MTUS2: variants seen among roughly 807,000 people sequenced by gnomAD.
MTUS2 encodes the protein microtubule associated scaffold protein 2.
A neutral mutation model predicts 114.1 loss-of-function variants in MTUS2; 40 were observed. The ratio of observed to expected loss-of-function variants is 0.35; its 90% confidence interval spans 0.27 to 0.46. MTUS2 has a LOEUF of 0.46. Ranked by LOEUF, MTUS2 falls within the 20% of genes least tolerant of loss-of-function variation. The pLI is 1.00. For synonymous variants in MTUS2, 688 were observed against 672.0 expected (o/e 1.02, Z -0.37); for missense variants, 1,679 against 1,705.4 (o/e 0.98, Z 0.27).
intron 6 of MTUS2, among the ~76,000 whole-genome samples, chr13:29,291,728 G>A (rs1328837869): frequency 6.6e-6 from 1 of 152,164 alleles, no homozygotes; most frequent in Admixed American, 6.5e-5. Context: ...ATCCATGAGG[G>A]AGAGGCCTTC....
chr13:29,183,183 G>T (rs1250063685), intron 5 of MTUS2, among the ~76,000 whole-genome samples: 1 of 152,180 alleles, frequency 6.6e-6, no homozygotes, highest in Non-Finnish European at 1.5e-5. Flanking sequence ...GAGATGGTAA[G>T]GAGCAGCCAA....
chr13:28,935,947 C>G (rs557063451), intron 2 of MTUS2, among the ~76,000 whole-genome samples: 3 of 152,202 alleles, frequency 2.0e-5, no homozygotes, highest in East Asian at 1.9e-4. Flanking sequence ...GGATCTCGCT[C>G]TGTTGCCCAG....
intron 5 of MTUS2, among the ~76,000 whole-genome samples, chr13:29,115,423 G>A (rs1286171596): frequency 6.6e-6 from 1 of 152,156 alleles, no homozygotes; most frequent in East Asian, 1.9e-4. Context: ...TTCCTTTCTG[G>A]CTAGTTGTTA....
At chr13:29,129,526 G>C (rs1391847079) in intron 5 of MTUS2, among the ~76,000 whole-genome samples, 3 of 151,788 alleles carry the variant, frequency 2.0e-5, no homozygotes, top group Non-Finnish European at 4.4e-5. Flanking sequence ...AAAGATGACT[G>C]TTTTCTTTCC....
At chr13:29,369,604 T>G (rs1360641311) in intron 8 of MTUS2, among the ~76,000 whole-genome samples, 1 of 152,208 alleles carries the variant, frequency 6.6e-6, no homozygotes, top group East Asian at 1.9e-4. Flanking sequence ...GCCTATGAGG[T>G]AATTCATAAA....
At chr13:28,878,241 A>G (rs865878100) in intron 2 of MTUS2, among the ~76,000 whole-genome samples, 13 of 151,288 alleles carry the variant, frequency 8.6e-5, no homozygotes, top group African/African-American at 2.9e-4. Flanking sequence ...GTGTATATAT[A>G]TGTATATATG....
intron 5 of MTUS2, among the ~76,000 whole-genome samples, chr13:29,142,444 C>T (rs1049351595): frequency 2.0e-5 from 3 of 152,128 alleles, no homozygotes; most frequent in Non-Finnish European, 2.9e-5. Flanking sequence ...TGGCTCACGC[C>T]TATAATCCCA....
chr13:29,350,755 T>A (rs1869161577), intron 7 of MTUS2, among the ~76,000 whole-genome samples: 1 of 151,776 alleles, frequency 6.6e-6, no homozygotes, highest in Non-Finnish European at 1.5e-5. Context: ...CTGATTTGGA[T>A]TCTGGTGAGG....
intron 5 of MTUS2, among the ~76,000 whole-genome samples, chr13:29,188,302 G>T (rs1470417534): frequency 6.6e-6 from 1 of 152,074 alleles, no homozygotes; most frequent in Non-Finnish European, 1.5e-5. Flanking sequence ...TAGGTCCCTG[G>T]GTGAAATGAT....
At chr13:29,006,114 G>C (rs970723071) in intron 2 of MTUS2, among the ~76,000 whole-genome samples, 2 of 152,168 alleles carry the variant, frequency 1.3e-5, no homozygotes, top group East Asian at 1.9e-4. Flanking sequence ...GAGGGGAGTA[G>C]GGCAAAACCA....
intron 8 of MTUS2, among the ~76,000 whole-genome samples, chr13:29,404,469 T>C (rs922000529): frequency 6.6e-6 from 1 of 152,122 alleles, no homozygotes; most frequent in Non-Finnish European, 1.5e-5. Flanking sequence ...ACAGGGTCAA[T>C]AAGATAAAGG....
intron 5 of MTUS2, among the ~76,000 whole-genome samples, chr13:29,186,311 C>G (rs899547164): frequency 6.6e-6 from 1 of 151,914 alleles, no homozygotes; most frequent in African/African-American, 2.4e-5. Context: ...TTAAACAGTC[C>G]AATTAAAAAG....
At chr13:29,033,586 C>G (rs1886926101) in intron 3 of MTUS2, among the ~76,000 whole-genome samples, 1 of 152,068 alleles carries the variant, frequency 6.6e-6, no homozygotes, top group Non-Finnish European at 1.5e-5. Flanking sequence ...TGGCTACTCA[C>G]TCAGATTCTA....
In MTUS2 at chr13:28,997,107, T is replaced by C. The variant is rs141066186; in HGVS notation, c.-242-27350T>C. On this transcript the variant is annotated intron_variant, in intron 2 of 15. Coordinates refer to ENST00000612955, the MANE Select transcript of MTUS2 (RefSeq NM_001033602.4). The stretch of plus-strand genomic sequence containing the variant: ...CTGGTATGTTGTGTCTTTGTTCTCA[T>C]TAGTTTCAAAGAACATCTTTATTTC... Among the ~76,000 whole-genome samples, 426 of 152,350 alleles carry C rather than the reference T, an allele frequency of 2.8e-3. 3 individuals carry two copies. The highest frequency in any genetic ancestry group is 0.01 in the African/African-American group (417 of 41,580).
At chr13:29,437,038 C>G (rs1877464685) in intron 8 of MTUS2, among the ~76,000 whole-genome samples, 1 of 152,142 alleles carries the variant, frequency 6.6e-6, no homozygotes, top group African/African-American at 2.4e-5. Context: ...CCACTCCTTC[C>G]CCACAGGCCT....
intron 4 of MTUS2, among the ~76,000 whole-genome samples, chr13:29,082,692 A>G (rs1008167019): frequency 9.9e-5 from 15 of 152,180 alleles, no homozygotes; most frequent in African/African-American, 3.6e-4. Context: ...TCAAGGCATA[A>G]TGGAGACCTG....
chr13:28,929,526 A>T (rs1159089624), intron 2 of MTUS2, among the ~76,000 whole-genome samples: 1 of 152,136 alleles, frequency 6.6e-6, no homozygotes, highest in Non-Finnish European at 1.5e-5. Context: ...GCTTGGCCTG[A>T]AATATGAAAT....
chr13:28,850,462 G>T (rs1414174089), intron 2 of MTUS2, among the ~76,000 whole-genome samples: 1 of 152,198 alleles, frequency 6.6e-6, no homozygotes, highest in Admixed American at 6.5e-5. Flanking sequence ...CATTCTGTCA[G>T]TCTCACCAGG....
At chr13:29,347,172 C>T (rs1868780388) in intron 7 of MTUS2, among the ~76,000 whole-genome samples, 1 of 152,308 alleles carries the variant, frequency 6.6e-6, no homozygotes, top group Admixed American at 6.5e-5. Context: ...TTAGTCCTGC[C>T]TCCTGTCTGC....
Sources: gnomAD v4.1 joint callset for allele counts (sites outside exome capture counted in the v4.1 genomes callset) on GRCh38, gnomAD v4.1.1 for gene constraint, MANE v1.5 for transcripts, NCBI Gene and HGNC (gene_info 2026-07-23, HGNC 2026-07-21) for gene names.